Variants in NALCN observed in about 807,000 individuals in gnomAD.
NALCN encodes the protein sodium leak channel NALCN.
A neutral mutation model predicts 225.3 loss-of-function variants in NALCN; 111 were observed. The ratio of observed to expected loss-of-function variants is 0.49; its 90% confidence interval spans 0.42 to 0.58. The LOEUF (loss-of-function observed/expected upper bound fraction) is 0.58, where lower values mean the gene tolerates loss of function less well. Ranked by LOEUF, NALCN falls within the 20% of genes least tolerant of loss-of-function variation. The pLI is 0.00. For missense variants in NALCN, 1,378 were observed against 2,202.4 expected, an observed-to-expected ratio of 0.63 and a Z score of 7.49; for synonymous variants, 764 against 769.0, an observed-to-expected ratio of 0.99 and a Z score of 0.11.
At chr13:101,169,455 C>A (rs2038610388) in intron 15 of NALCN, among the ~76,000 whole-genome samples, 1 of 152,178 alleles carries the variant, frequency 6.6e-6, no homozygotes, top group Non-Finnish European at 1.5e-5. Context: ...TCTATCAAAC[C>A]ATCATCTATG....
chr13:101,290,803 C>G (rs1401651960), intron 9 of NALCN, among the ~76,000 whole-genome samples: 1 of 152,152 alleles, frequency 6.6e-6, no homozygotes, highest in Non-Finnish European at 1.5e-5. Flanking sequence ...TTTGTCTTAA[C>G]AGTATTTGTA....
intron 34 of NALCN, among the ~76,000 whole-genome samples, chr13:101,079,843 G>A (rs1346477678): frequency 1.3e-5 from 2 of 152,150 alleles, no homozygotes. Flanking sequence ...GGTTTAAGAA[G>A]GACGCTCACT....
At chr13:101,140,792 G>A (rs535949532) in intron 17 of NALCN, among the ~76,000 whole-genome samples, 1 of 152,252 alleles carries the variant, frequency 6.6e-6, no homozygotes, top group African/African-American at 2.4e-5. Context: ...AGGCATGGTG[G>A]CCATGCCTAT....
At chr13:101,288,317 T>C (rs2043417484) in intron 9 of NALCN, among the ~76,000 whole-genome samples, 1 of 152,248 alleles carries the variant, frequency 6.6e-6, no homozygotes, top group Non-Finnish European at 1.5e-5. Context: ...AGGAAATAAA[T>C]GGTCTTGGAA....
intron 6 of NALCN, among the ~76,000 whole-genome samples, chr13:101,358,268 A>C (rs879452404): frequency 3.3e-5 from 5 of 152,198 alleles, no homozygotes; most frequent in Non-Finnish European, 5.9e-5. Flanking sequence ...TACAGAATAG[A>C]ATAGGAGAAA....
chr13:101,092,238 A>G (rs757515325), intron 28 of NALCN, among the ~76,000 whole-genome samples: 8 of 152,120 alleles, frequency 5.3e-5, no homozygotes, highest in Non-Finnish European at 1.2e-4. Flanking sequence ...GAGGTGCTCC[A>G]AGGCCCCCCA....
At position 101,415,206 on chromosome 13, in the gene NALCN, C is replaced by CATATATAT. The variant is rs1278371508; in HGVS notation, c.-40+1106_-40+1107insATATATAT. On this transcript the variant is annotated intron_variant, in intron 1 of 43. Transcript: ENST00000251127. ...TGTAGTTATGAACATACAAATCACA[C>CATATATAT]ACATATATATATATATATACATACA... Among the ~76,000 whole-genome samples, 93 of 104,816 alleles carry CATATATAT rather than the reference C, an allele frequency of 8.9e-4. 3 individuals are homozygous for CATATATAT. Among genetic ancestry groups the CATATATAT allele is most frequent in the Middle Eastern group, 5.0e-3 (1 of 200 alleles). 68.8% of individuals were successfully genotyped at this position (104,816 alleles called of 152,430 possible).
At chr13:101,351,014 T>C (rs1388522326) in intron 6 of NALCN, among the ~76,000 whole-genome samples, 1 of 152,162 alleles carries the variant, frequency 6.6e-6, no homozygotes. Context: ...CCAACATACA[T>C]ATATGTATAT....
At chr13:101,364,590 C>T (rs188934613) in intron 6 of NALCN, among the ~76,000 whole-genome samples, 147 of 151,940 alleles carry the variant, frequency 9.7e-4, no homozygotes, top group African/African-American at 3.3e-3. Context: ...AGGGTAAAGC[C>T]CAGGGTTGGA....
chr13:101,246,632 T>C (rs1319981486), intron 11 of NALCN, among the ~76,000 whole-genome samples: 1 of 152,222 alleles, frequency 6.6e-6, no homozygotes, highest in Non-Finnish European at 1.5e-5. Flanking sequence ...CCAGATCTTT[T>C]AGAAACACAC....
Position 101,273,081 on chromosome 13 carries a change from C to A in NALCN, c.1134+10852G>T, listed in dbSNP as rs553724890. 2.6e-4 allele frequency among the ~76,000 whole-genome samples: 40 copies of A among 152,352 alleles called. No homozygotes were observed. The South Asian group carries it at 8.1e-3, about 31-fold the overall frequency. ...AACTGACATCCATTGTACCACGTCTCATGCATATGTACTTTCATTCTCTTG... is the reference window on the plus strand; with the variant it reads ...AACTGACATCCATTGTACCACGTCTAATGCATATGTACTTTCATTCTCTTG... On this transcript the variant is annotated intron_variant, in intron 10 of 43. Coordinates refer to ENST00000251127, the MANE Select transcript of NALCN (RefSeq NM_052867.4).
chr13:101,319,357 CT>C (rs2044665792), intron 7 of NALCN, among the ~76,000 whole-genome samples: 1 of 152,148 alleles, frequency 6.6e-6, no homozygotes, highest in African/African-American at 2.4e-5. Context: ...TGTGCCAAAC[CT>C]ACTGATAGTG....
chr13:101,291,756 C>G (rs2043561786), intron 9 of NALCN, among the ~76,000 whole-genome samples: 1 of 152,074 alleles, frequency 6.6e-6, no homozygotes, highest in African/African-American at 2.4e-5. Context: ...TGCTACATTA[C>G]CTAGGCTGAT....
At chr13:101,240,584 T>C (rs1427762838) in intron 11 of NALCN, among the ~76,000 whole-genome samples, 1 of 152,108 alleles carries the variant, frequency 6.6e-6, no homozygotes, top group African/African-American at 2.4e-5. Flanking sequence ...GAGTTAATCA[T>C]ATGAATGCAT....
intron 17 of NALCN, among the ~76,000 whole-genome samples, chr13:101,132,033 C>T (rs2036545232): frequency 6.6e-6 from 1 of 151,874 alleles, no homozygotes; most frequent in Non-Finnish European, 1.5e-5. Flanking sequence ...TTATTTCTTT[C>T]TTTCTGCTAT....
intron 10 of NALCN, among the ~76,000 whole-genome samples, chr13:101,263,987 G>C (rs1306288373): frequency 6.6e-6 from 1 of 152,080 alleles, no homozygotes. Flanking sequence ...CTACAGGAAA[G>C]TCCAAATTTA....
At chr13:101,313,372 A>G (rs1423725960) in intron 7 of NALCN, among the ~76,000 whole-genome samples, 2 of 152,230 alleles carry the variant, frequency 1.3e-5, no homozygotes, top group Admixed American at 6.5e-5. Flanking sequence ...CAGCAAAAGA[A>G]ACCGTCATCA....
At chr13:101,182,419 C>T (rs2039278341) in intron 14 of NALCN, among the ~76,000 whole-genome samples, 1 of 152,176 alleles carries the variant, frequency 6.6e-6, no homozygotes, top group Admixed American at 6.5e-5. Flanking sequence ...TTAGAACAAA[C>T]TCTTGGGGAG....
At chr13:101,225,734 T>C (rs1178092751) in intron 13 of NALCN, among the ~76,000 whole-genome samples, 1 of 152,110 alleles carries the variant, frequency 6.6e-6, no homozygotes, top group Non-Finnish European at 1.5e-5. Context: ...GCTGAAAAAC[T>C]TGAAGAAAGG....
Sources: gnomAD v4.1 joint callset for allele counts (sites outside exome capture counted in the v4.1 genomes callset) on GRCh38, gnomAD v4.1.1 for gene constraint, MANE v1.5 for transcripts, NCBI Gene and HGNC (gene_info 2026-07-23, HGNC 2026-07-21) for gene names.